CENPC: variants seen among roughly 807,000 people sequenced by gnomAD.
CENPC encodes the protein CENP-C 1.
A neutral mutation model predicts 112.1 loss-of-function variants in CENPC; 63 were observed. The ratio of observed to expected loss-of-function variants is 0.56; its 90% CI spans 0.46 to 0.69. The LOEUF (loss-of-function observed/expected upper bound fraction) is 0.69, where lower values mean the gene tolerates loss of function less well. Among genes scored for constraint, CENPC ranks in the 30% least tolerant of loss-of-function variants. The pLI is 0.00. For synonymous variants in CENPC, 333 were observed against 367.6 expected, an observed-to-expected ratio of 0.91 and a Z score of 1.08; for missense variants, 1,000 against 1,103.8, an observed-to-expected ratio of 0.91 and a Z score of 1.33.
At chr4:67,532,856 C>T (rs1364288509) in intron 4 of CENPC, among the ~76,000 whole-genome samples, 3 of 152,278 alleles carry the variant, frequency 2.0e-5, no homozygotes, top group South Asian at 2.1e-4. Flanking sequence ...CGTAACAAAC[C>T]TGCACGTTGT....
intron 1 of CENPC, among the ~76,000 whole-genome samples, chr4:67,544,715 T>C (rs72915795): frequency 1.1e-3 from 169 of 152,320 alleles, no homozygotes; most frequent in African/African-American, 3.9e-3. Context: ...CCATTAGTCA[T>C]TCACAGCTTG....
intron 8 of CENPC, among the ~76,000 whole-genome samples, chr4:67,513,524 A>T (rs547248063): frequency 6.6e-6 from 1 of 152,186 alleles, no homozygotes; most frequent in Non-Finnish European, 1.5e-5. Context: ...AATTATGGAT[A>T]AATCAAAATT....
At chr4:67,482,617 G>T (rs1384446131) in intron 17 of CENPC, among the ~76,000 whole-genome samples, 1 of 152,210 alleles carries the variant, frequency 6.6e-6, no homozygotes, top group Non-Finnish European at 1.5e-5. Context: ...TGGAGTTGGA[G>T]ACCATCATTC....
intron 9 of CENPC, among the ~76,000 whole-genome samples, chr4:67,510,476 T>C (rs1725863694): frequency 6.6e-6 from 1 of 152,214 alleles, no homozygotes; most frequent in Non-Finnish European, 1.5e-5. Context: ...ATTTTATCTA[T>C]GTATATTCCC....
At chr4:67,489,405 C>T (rs1475219457) in intron 17 of CENPC, among the ~76,000 whole-genome samples, 1 of 91,354 alleles carries the variant, frequency 1.1e-5, no homozygotes, top group African/African-American at 3.7e-5. Context: ...CTTACTGAAG[C>T]AACTAGCTTA....
chr4:67,497,993 G>A (rs987947622), intron 12 of CENPC, among the ~76,000 whole-genome samples: 3 of 152,110 alleles, frequency 2.0e-5, no homozygotes, highest in African/African-American at 4.8e-5. Context: ...GACTTTGGGA[G>A]GCCCAGGAGG....
chr4:67,489,436 T>C (rs1299217038), intron 17 of CENPC, among the ~76,000 whole-genome samples: 2 of 152,012 alleles, frequency 1.3e-5, no homozygotes, highest in African/African-American at 4.8e-5. Flanking sequence ...TATGTCTAAA[T>C]AGTTAAGTAG....
chr4:67,526,532 G>GA (rs914200140), intron 5 of CENPC, among the ~76,000 whole-genome samples: 16 of 150,640 alleles, frequency 1.1e-4, no homozygotes, highest in African/African-American at 3.2e-4. Context: ...AAAAGTTCTT[G>GA]AAAAAAAAAT....
At chr4:67,508,793 T>G (rs1360969993) in intron 10 of CENPC, 21 bp downstream of exon 10, 4 of 1,603,952 alleles carry the variant, frequency 2.5e-6, no homozygotes, top group South Asian at 2.2e-5. Context: ...GTAACTATAT[T>G]GTACACATAA....
intron 16 of CENPC, 51 bp downstream of exon 16, chr4:67,492,129 T>C: frequency 8.2e-7 from 1 of 1,215,494 alleles, no homozygotes; most frequent in Non-Finnish European, 1.2e-6. Flanking sequence ...CAAGCAATAT[T>C]TTCTTACAAA....
At chr4:67,528,827 TATATACCTAGGAGGGAAGTATTGGGTC>T (rs1726459425) in intron 5 of CENPC, among the ~76,000 whole-genome samples, 1 of 152,136 alleles carries the variant, frequency 6.6e-6, no homozygotes, top group African/African-American at 2.4e-5. Context: ...TTCTTTTGGG[TATATACCTAGGAGGGAAGTATTGGGTC>T]ATATGGTAGT....
intron 17 of CENPC, among the ~76,000 whole-genome samples, chr4:67,476,262 T>C (rs887443000): frequency 5.3e-5 from 8 of 152,132 alleles, no homozygotes; most frequent in Non-Finnish European, 7.3e-5. Flanking sequence ...CCAAGAAAAC[T>C]GAAAGAATTC....
At chr4:67,525,845 C>T (rs1726360849) in intron 5 of CENPC, among the ~76,000 whole-genome samples, 1 of 152,220 alleles carries the variant, frequency 6.6e-6, no homozygotes, top group Non-Finnish European at 1.5e-5. Flanking sequence ...GATTATAAAT[C>T]ATTCTGCTAT....
In CENPC at chr4:67,514,541, G is replaced by C. The variant is rs1317071436; in HGVS notation, c.977C>G (p.Ser326Cys). Residue 326 changes from serine (S) to cysteine (C), a missense_variant, in exon 8 of 19, where the codon TCT (serine) becomes TGT (cysteine). Coordinates refer to ENST00000273853, the MANE Select transcript of CENPC (RefSeq NM_001812.4). Reference protein sequence around the residue: ...SWITIPRKAGSLKQRTISPAE... With the variant: ...SWITIPRKAGCLKQRTISPAE... ...CGGGGATATTGTGCGTTGTTTCAGA[G>C]ACCCTGCCTTTCTTGGTATTGTAAT... The C allele has an allele frequency of 6.2e-7, 1 of 1,612,334 alleles. No homozygotes were observed.
At chr4:67,544,856 G>A (rs1268489294) in intron 1 of CENPC, among the ~76,000 whole-genome samples, 3 of 152,174 alleles carry the variant, frequency 2.0e-5, no homozygotes, top group African/African-American at 7.2e-5. Context: ...ATTTCGAGAC[G>A]TACTTGTTAC....
intron 9 of CENPC, chr4:67,510,900 G>A (rs553402375): frequency 3.1e-5 from 13 of 425,914 alleles, no homozygotes; most frequent in Non-Finnish European, 6.1e-5. Flanking sequence ...TCTATTTCAG[G>A]ACTCTTAAAT....
intron 5 of CENPC, among the ~76,000 whole-genome samples, chr4:67,526,152 A>C (rs1458368558): frequency 6.6e-6 from 1 of 151,918 alleles, no homozygotes; most frequent in Non-Finnish European, 1.5e-5. Flanking sequence ...AACATCACAC[A>C]CCAGGGCCTG....
rs1577976019 is a variant in CENPC, at chr4:67,489,211, CACACACACACAT to C, written c.2670+744_2670+755del. 5.9e-5 allele frequency among the ~76,000 whole-genome samples: 9 copies of C among 151,550 alleles called. No homozygotes were observed. The South Asian group carries it at 1.7e-3, about 28-fold the overall frequency. On this transcript the variant is annotated intron_variant, in intron 17 of 18. Transcript: ENST00000273853. Reference sequence around the variant, plus strand: ...CCTGTTATACATACACACACACACACACACACACACATACACACATATAAAACAGACCAATGT... The same window carrying C: ...CCTGTTATACATACACACACACACACACACACATATAAAACAGACCAATGT...
intron 9 of CENPC, 50 bp from the exon 10 acceptor site, chr4:67,509,155 T>C (rs750562305): frequency 1.1e-5 from 16 of 1,417,238 alleles, no homozygotes; most frequent in Non-Finnish European, 1.5e-5. Flanking sequence ...CCAGATGATT[T>C]GGCTCACTGA....
Sources: gnomAD v4.1 joint callset for allele counts (sites outside exome capture counted in the v4.1 genomes callset) on GRCh38, gnomAD v4.1.1 for gene constraint, MANE v1.5 for transcripts, NCBI Gene and HGNC (gene_info 2026-07-23, HGNC 2026-07-21) for gene names.